MACROD2: variants seen among roughly 807,000 people sequenced by gnomAD.
The protein encoded by MACROD2 is mono-ADP ribosylhydrolase 2.
A neutral mutation model predicts 70.4 loss-of-function variants in MACROD2; 36 were observed. The ratio of observed to expected loss-of-function variants is 0.51; its 90% CI spans 0.39 to 0.68. The LOEUF (loss-of-function observed/expected upper bound fraction) is 0.68, where lower values mean the gene tolerates loss of function less well. Among genes scored for constraint, MACROD2 ranks in the 30% least tolerant of loss-of-function variants. The pLI is 0.00. For synonymous variants in MACROD2, 172 were observed against 178.8 expected, an observed-to-expected ratio of 0.96 and a Z score of 0.30; for missense variants, 496 against 538.4, an observed-to-expected ratio of 0.92 and a Z score of 0.78.
intron 10 of MACROD2, among the ~76,000 whole-genome samples, chr20:15,921,335 C>T (rs2147290141): frequency 6.6e-6 from 1 of 152,332 alleles, no homozygotes; most frequent in South Asian, 2.1e-4. Context: ...CTCAACTCAT[C>T]CTACTTCATT....
chr20:15,171,229 C>T (rs929181950), intron 5 of MACROD2, among the ~76,000 whole-genome samples: 1 of 151,870 alleles, frequency 6.6e-6, no homozygotes, highest in Non-Finnish European at 1.5e-5. Context: ...CCATCACTTT[C>T]CCTCCATCTC....
chr20:14,556,522 C>T (rs4814313), intron 4 of MACROD2, among the ~76,000 whole-genome samples: 48,818 of 151,964 alleles, frequency 0.32, 8,610 homozygotes, highest in African/African-American at 0.44. Flanking sequence ...TGAAGGGTGG[C>T]TTTACACCAG....
intron 4 of MACROD2, among the ~76,000 whole-genome samples, chr20:14,617,519 A>T (rs150970358): frequency 8.6e-4 from 130 of 151,956 alleles, no homozygotes; most frequent in African/African-American, 2.9e-3. Flanking sequence ...AATGTGTGCC[A>T]CTCTCCTCTG....
intron 5 of MACROD2, among the ~76,000 whole-genome samples, chr20:15,064,041 CAGTTTA>C (rs1318579549): frequency 6.6e-6 from 1 of 152,108 alleles, no homozygotes; most frequent in Non-Finnish European, 1.5e-5. Flanking sequence ...CTAAAGCCCC[CAGTTTA>C]AGTTTGAAGG....
intron 4 of MACROD2, among the ~76,000 whole-genome samples, chr20:14,644,735 C>A (rs964378954): frequency 6.6e-6 from 1 of 152,048 alleles, no homozygotes; most frequent in Non-Finnish European, 1.5e-5. Flanking sequence ...CTATTTTGTT[C>A]CCCTTGCCTG....
At chr20:15,413,986 A>C (rs2046113186) in intron 6 of MACROD2, among the ~76,000 whole-genome samples, 1 of 152,188 alleles carries the variant, frequency 6.6e-6, no homozygotes, top group Non-Finnish European at 1.5e-5. Flanking sequence ...ATATCATCCA[A>C]GTAACCGAAG....
intron 6 of MACROD2, among the ~76,000 whole-genome samples, chr20:15,290,496 G>A (rs917176557): frequency 6.6e-6 from 1 of 152,160 alleles, no homozygotes; most frequent in African/African-American, 2.4e-5. Context: ...AGATGCTATT[G>A]TATAGGTACA....
chr20:14,257,911 A>G lies in MACROD2; in HGVS notation c.271+172183A>G, dbSNP rs181231652. On this transcript the variant is annotated intron_variant, in intron 3 of 17. Coordinates refer to ENST00000684519, the MANE Select transcript of MACROD2 (RefSeq NM_001351661.2). ...CTTCTTCACTTTCCCCAGCATCCCC[A>G]AAGTCTGTTTTGTCATTCTTATGCC... is the stretch of plus-strand genomic sequence containing the variant. 1.7e-3 allele frequency among the ~76,000 whole-genome samples: 252 copies of G among 152,232 alleles called. 2 individuals carry two copies. The highest frequency in any genetic ancestry group is 5.2e-3 in the Admixed American group (79 of 15,274).
chr20:16,013,463 A>G (rs1458636855), intron 15 of MACROD2, among the ~76,000 whole-genome samples: 1 of 152,204 alleles, frequency 6.6e-6, no homozygotes, highest in East Asian at 1.9e-4. Flanking sequence ...CAAATTAAAA[A>G]ATAGATTTGA....
intron 8 of MACROD2, among the ~76,000 whole-genome samples, chr20:15,529,499 T>C (rs530256269): frequency 2.6e-5 from 4 of 152,276 alleles, no homozygotes; most frequent in East Asian, 3.9e-4. Flanking sequence ...TATGTAAAGA[T>C]CTTCCTTTAG....
chr20:14,093,857 C>T (rs1483933159), intron 3 of MACROD2, among the ~76,000 whole-genome samples: 3 of 152,120 alleles, frequency 2.0e-5, no homozygotes, highest in Non-Finnish European at 2.9e-5. Context: ...AAGCAAACAA[C>T]TCAAGAAAGC....
intron 8 of MACROD2, among the ~76,000 whole-genome samples, chr20:15,782,591 C>T (rs1219886836): frequency 6.6e-6 from 1 of 151,836 alleles, no homozygotes; most frequent in African/African-American, 2.4e-5. Context: ...AATGCTCTTA[C>T]TGTATGGTCC....
intron 5 of MACROD2, among the ~76,000 whole-genome samples, chr20:15,117,199 G>A (rs1422265550): frequency 6.6e-6 from 1 of 152,036 alleles, no homozygotes; most frequent in Non-Finnish European, 1.5e-5. Flanking sequence ...AAAATAATGT[G>A]GAGAAAATAT....
chr20:15,443,681 G>C (rs1248358215), intron 7 of MACROD2, among the ~76,000 whole-genome samples: 1 of 152,120 alleles, frequency 6.6e-6, no homozygotes, highest in South Asian at 2.1e-4. Flanking sequence ...TCTAAGTTCT[G>C]TCACTGTTAT....
rs1233541890 is a variant in MACROD2, at chr20:15,743,686, G to A, written c.646-119059G>A. The stretch of plus-strand genomic sequence containing the variant: ...TTTTCCTTTGCCTGGAGTGCCCCTC[G>A]CTGCACTTGTGTTTGAGCCAATCTA... On this transcript the variant is annotated intron_variant, in intron 8 of 17. Transcript: ENST00000684519. 3.3e-5 allele frequency among the ~76,000 whole-genome samples: 5 copies of A among 151,992 alleles called. No homozygotes were observed. The East Asian group carries it at 7.8e-4, about 24-fold the overall frequency.
At chr20:15,865,002 A>G (rs893482665) in intron 9 of MACROD2, among the ~76,000 whole-genome samples, 1 of 152,126 alleles carries the variant, frequency 6.6e-6, no homozygotes, top group Non-Finnish European at 1.5e-5. Flanking sequence ...CTTGTGTTTA[A>G]TTCATAACTA....
intron 8 of MACROD2, among the ~76,000 whole-genome samples, chr20:15,627,491 CA>C (rs2049222559): frequency 6.6e-6 from 1 of 152,006 alleles, no homozygotes; most frequent in Non-Finnish European, 1.5e-5. Flanking sequence ...AGGGGTTTTT[CA>C]AAGGCAGTTT....
chr20:15,756,037 G>A (rs1409251351), intron 8 of MACROD2, among the ~76,000 whole-genome samples: 1 of 152,148 alleles, frequency 6.6e-6, no homozygotes, highest in Non-Finnish European at 1.5e-5. Flanking sequence ...GTTGCAGGGA[G>A]CCATCCTGGT....
chr20:14,185,324 C>T lies in MACROD2; in HGVS notation c.271+99596C>T, dbSNP rs890674922. 2.0e-5 allele frequency among the ~76,000 whole-genome samples: 3 copies of T among 151,900 alleles called. No homozygotes were observed. In the South Asian group the frequency reaches 6.2e-4, roughly 31 times the overall value. ...ACGCACTCTCAGATATTAAAATGCC[C>T]TTCTTTCATGTTCCTTGGAAGGACT... is the stretch of plus-strand genomic sequence containing the variant. On this transcript the variant is annotated intron_variant, in intron 3 of 17. Coordinates refer to ENST00000684519, the MANE Select transcript of MACROD2 (RefSeq NM_001351661.2).
Sources: allele counts gnomAD v4.1 joint callset (sites outside exome capture counted in the v4.1 genomes callset), GRCh38; gene constraint gnomAD v4.1.1; transcripts MANE v1.5; gene names NCBI Gene and HGNC (gene_info 2026-07-23, HGNC 2026-07-21).